Variants in DNAH6 observed in about 807,000 individuals in gnomAD.
DNAH6 encodes the protein axonemal beta dynein heavy chain 6.
In DNAH6, 340 loss-of-function variants were observed where a neutral mutation model predicts 491.4. The ratio of observed to expected loss-of-function variants is 0.69; its 90% CI spans 0.63 to 0.76. DNAH6 has a LOEUF of 0.76. DNAH6 is among the 30% of genes least tolerant of loss of function. The probability of loss-of-function intolerance (pLI) is 0.00; values close to 1 mark genes in which losing one functional copy is unlikely to be tolerated. For missense variants in DNAH6, 4,443 were observed against 4,972.2 expected, an observed-to-expected ratio of 0.89 and a Z score of 3.20; for synonymous variants, 1,603 against 1,686.1, an observed-to-expected ratio of 0.95 and a Z score of 1.21.
Position 84,619,857 on chromosome 2 carries a change from G to A in DNAH6, c.3745G>A (p.Val1249Ile). ...TGGTATTGATGGAGAACCAGAAAAG[G>A]TTTATACTAATGATATTTTAGCAAT... ...IPGIDGEPEK[V>I]YTNDILAMLS... Residue 1249 changes from valine (V) to isoleucine (I), a missense_variant, in exon 24 of 77, where the codon GTT (valine) becomes ATT (isoleucine). Coordinates refer to ENST00000389394, the MANE Select transcript of DNAH6 (RefSeq NM_001370.2). 6.4e-7 allele frequency: 1 copy of A among 1,551,322 alleles called. No individual in the cohort carries two copies. Among genetic ancestry groups the A allele is most frequent in the East Asian group, 2.4e-5 (1 of 40,902 alleles).
chr2:84,792,639 A>T (rs77529579), intron 68 of DNAH6, among the ~76,000 whole-genome samples: 1 of 152,104 alleles, frequency 6.6e-6, no homozygotes, highest in African/African-American at 2.4e-5. Flanking sequence ...GGAAGTGTGT[A>T]TGGAGGGCAG....
At chr2:84,768,777 A>G (rs891667541) in intron 64 of DNAH6, among the ~76,000 whole-genome samples, 3 of 152,232 alleles carry the variant, frequency 2.0e-5, no homozygotes, top group Admixed American at 1.3e-4. Flanking sequence ...TATATATTCA[A>G]TGCCACCAAA....
chr2:84,758,075 A>G (rs1317029806), intron 63 of DNAH6, among the ~76,000 whole-genome samples: 1 of 152,214 alleles, frequency 6.6e-6, no homozygotes, highest in Non-Finnish European at 1.5e-5. Context: ...GAAATTGCAC[A>G]TGTTACATAT....
Position 84,797,608 on chromosome 2 carries a change from G to A in DNAH6, c.11431G>A (p.Asp3811Asn), listed in dbSNP as rs1678479968. 1.9e-6 allele frequency: 3 copies of A among 1,551,482 alleles called. No homozygotes were observed. The highest frequency in any genetic ancestry group is 2.4e-5 in the East Asian group (1 of 40,922). Residue 3811 changes from aspartate to asparagine, a missense_variant, in exon 70 of 77, where the codon GAT becomes AAT. Physicochemically the swap from Asp to Asn is conservative, Grantham distance 23. Transcript: ENST00000389394. ...CTACATTGAAAATCTGCCTTTGATC[G>A]ATGACCCAGAAATTTTTGGAATGCA... ...KDYIENLPLI[D>N]DPEIFGMHEN... is the part of the protein sequence containing the mutation.
At position 84,579,625 on chromosome 2, in the gene DNAH6, T is replaced by C. The variant is rs1226446591; in HGVS notation, c.2175T>C (p.Thr725=). The C allele has an allele frequency of 3.1e-6, 5 of 1,611,186 alleles. No individual in the cohort carries two copies. Among genetic ancestry groups the C allele is most frequent in the Non-Finnish European group, 8.5e-7 (1 of 1,179,182 alleles). Residue 725 remains threonine (T), a synonymous_variant, in exon 14 of 77, where the codon ACT becomes ACC. Transcript: ENST00000389394. ...AGTATAAACTTGAGTTTGTTCCAAC[T>C]ACTACCACAGAATATGTTCATAGCT... ...DAEYKLEFVP[T]TTTEYVHSLL...
At chr2:84,544,148 T>C (rs1678536707) in intron 4 of DNAH6, 85 bp from the exon 5 acceptor site, 1 of 690,934 alleles carries the variant, frequency 1.4e-6, no homozygotes, top group African/African-American at 1.8e-5. Context: ...AAATGTTTTA[T>C]CTCTGTAGAA....
At chr2:84,490,467 A>G in the DNAH6 span, among the ~76,000 whole-genome samples, 3,409 of 152,062 alleles carry the variant, frequency 0.022, 55 homozygotes, top group Non-Finnish European at 0.035. Flanking sequence ...AATGAAGTCA[A>G]CCCCTCCTCT....
chr2:84,573,674 G>A, intron 12 of DNAH6, 87 bp downstream of exon 12: 4 of 1,179,520 alleles, frequency 3.4e-6, no homozygotes, highest in Non-Finnish European at 4.6e-6. Flanking sequence ...TGGTGTCTGG[G>A]GACACAAATG....
chr2:84,789,929 T>C (rs1677586141), intron 68 of DNAH6, among the ~76,000 whole-genome samples: 1 of 152,232 alleles, frequency 6.6e-6, no homozygotes, highest in Non-Finnish European at 1.5e-5. Flanking sequence ...AAAGACTGCA[T>C]TGACATGGTT....
chr2:84,704,095 C>T lies in DNAH6; in HGVS notation c.8258C>T (p.Ala2753Val). 1.3e-6 allele frequency: 2 copies of T among 1,551,720 alleles called. No homozygotes were observed. Among genetic ancestry groups the T allele is most frequent in the African/African-American group, 1.4e-5 (1 of 73,148 alleles). ...QVRNTVQEDE[A>V]TAKVKAEETQ... ...CGTAACACTGTGCAGGAGGATGAAG[C>T]AACAGCAAAAGTCAAAGCTGAAGAA... Residue 2753 changes from alanine (A) to valine (V), a missense_variant, in exon 51 of 77, where the codon GCA becomes GTA. Ala to Val is a moderately conservative substitution (Grantham distance 64). This residue lies in a region of DNAH6 where 2,977 missense variants were observed against 3,296.6 expected (regional missense o/e 0.90). Coordinates refer to ENST00000389394, the MANE Select transcript of DNAH6 (RefSeq NM_001370.2).
chr2:84,704,326 T>C, intron 51 of DNAH6, 24 bp downstream of exon 51: 9 of 1,485,928 alleles, frequency 6.1e-6, no homozygotes, highest in Non-Finnish European at 8.3e-6. Flanking sequence ...AGTCATGTAT[T>C]GCCATGATAC....
chr2:84,689,261 G>A (rs1427921459), intron 45 of DNAH6, among the ~76,000 whole-genome samples: 1 of 152,104 alleles, frequency 6.6e-6, no homozygotes, highest in Non-Finnish European at 1.5e-5. Context: ...CATTTACCTG[G>A]TACAACAATC....
At chr2:84,637,928 A>G (rs965760463) in intron 31 of DNAH6, among the ~76,000 whole-genome samples, 3 of 152,128 alleles carry the variant, frequency 2.0e-5, no homozygotes, top group African/African-American at 2.4e-5. Flanking sequence ...TTTAAATGCT[A>G]GCCAAAAATT....
At position 84,621,290 on chromosome 2, in the gene DNAH6, G is replaced by T. The variant is rs1365171566; in HGVS notation, c.3892G>T (p.Ala1298Ser). The T allele has an allele frequency of 6.4e-7, 1 of 1,551,510 alleles. No individual in the cohort carries two copies. Among genetic ancestry groups the T allele is most frequent in the East Asian group, 2.4e-5 (1 of 40,936 alleles). The stretch of plus-strand genomic sequence containing the variant: ...CACATCTCTGCGTCGCCTGTGCAAA[G>T]CTGCCATCGCTGACTATCAGGGGAA... ...MFTSLRRLCK[A>S]AIADYQGKLR... The change falls in exon 25 of 77, where the codon GCT becomes TCT. Residue 1298 changes from alanine to serine, a missense_variant. By Grantham distance (99) the Ala-to-Ser change is moderately conservative. Around this residue, in one of 3 missense-constraint regions of DNAH6, gnomAD observed 2,977 missense variants for 3,296.6 expected, o/e 0.90. Transcript: ENST00000389394.
chr2:84,816,214 T>C (rs1024511779), intron 76 of DNAH6, 131 bp downstream of exon 76: 2 of 635,346 alleles, frequency 3.1e-6, no homozygotes, highest in African/African-American at 3.7e-5. Flanking sequence ...AAGCCACCTA[T>C]AACATACAAA....
At chr2:84,566,122 A>T (rs1356938144) in intron 11 of DNAH6, among the ~76,000 whole-genome samples, 3 of 151,944 alleles carry the variant, frequency 2.0e-5, no homozygotes, top group Non-Finnish European at 2.9e-5. Context: ...GTTAAAATTG[A>T]GAATTTTTTA....
In DNAH6 at chr2:84,604,458, C is replaced by T. The variant is rs1384245023; in HGVS notation, c.2988C>T (p.Leu996=). Reference sequence around the variant, plus strand: ...AAATTCCATTAACCTTGGAGAGGCTCTCCCAGTTGCATGTTTTTGACTTTG... The same window carrying T: ...AAATTCCATTAACCTTGGAGAGGCTTTCCCAGTTGCATGTTTTTGACTTTG... ...DAEIPLTLER[L]SQLHVFDFGQ... The change falls in exon 19 of 77, where the codon CTC becomes CTT. Residue 996 remains leucine, a synonymous_variant. Coordinates refer to ENST00000389394, the MANE Select transcript of DNAH6 (RefSeq NM_001370.2). 4 of 1,551,710 alleles carry T rather than the reference C, an allele frequency of 2.6e-6. No homozygotes were observed. In the Admixed American group the frequency reaches 5.9e-5, roughly 23 times the overall value.
intron 11 of DNAH6, among the ~76,000 whole-genome samples, chr2:84,567,053 G>A (rs1323414119): frequency 6.6e-6 from 1 of 152,016 alleles, no homozygotes; most frequent in Non-Finnish European, 1.5e-5. Flanking sequence ...CATAAAAAGG[G>A]TTATCTAACT....
intron 63 of DNAH6, among the ~76,000 whole-genome samples, chr2:84,761,217 A>G (rs1233102097): frequency 6.6e-6 from 1 of 152,186 alleles, no homozygotes; most frequent in Non-Finnish European, 1.5e-5. Context: ...AACAAGTAAG[A>G]CACAGAAAGG....
Sources: allele counts gnomAD v4.1 joint callset (sites outside exome capture counted in the v4.1 genomes callset), GRCh38; gene constraint gnomAD v4.1.1; regional missense constraint gnomAD v4.1.1; transcripts MANE v1.5; gene names NCBI Gene and HGNC (gene_info 2026-07-23, HGNC 2026-07-21).